Variants in OVOL2 observed in about 807,000 individuals in gnomAD.
The protein encoded by OVOL2 is transcription factor Ovo-like 2.
Under a neutral mutation model 18.1 loss-of-function variants are expected in OVOL2, and 13 were observed. The observed-to-expected ratio is 0.72, with a 90% CI of 0.47 to 1.14. The LOEUF (loss-of-function observed/expected upper bound fraction) is 1.14, where lower values mean the gene tolerates loss of function less well. Among genes scored for constraint, OVOL2 ranks in the 50% most tolerant of loss-of-function variants. The pLI, the probability that OVOL2 is intolerant of heterozygous loss-of-function variation, is 0.00. For synonymous variants in OVOL2, 166 were observed against 162.7 expected (o/e 1.02, Z -0.16); for missense variants, 335 against 383.0 (o/e 0.87, Z 1.05).
At position 18,057,855 on chromosome 20, in the gene OVOL2, G is replaced by A; in HGVS notation, c.-221C>T. The A allele has an allele frequency of 7.4e-7, 1 of 1,346,404 alleles. No individual in the cohort carries two copies. Among genetic ancestry groups the A allele is most frequent in the Non-Finnish European group, 9.5e-7 (1 of 1,056,120 alleles). 83.4% of individuals were successfully genotyped at this position (1,346,404 alleles called of 1,614,324 possible). A position where few individuals can be genotyped will look rare whatever the true frequency, so the allele number is the denominator to read the frequency against. ...CGGCGACACCTATGCCTTAAATCGC[G>A]AGTGAGACCACGCCGGGGAAAAAGT... On this transcript the variant is annotated 5_prime_UTR_variant, in exon 1 of 4. Coordinates refer to ENST00000278780, the MANE Select transcript of OVOL2 (RefSeq NM_021220.4). The surrounding 1 kb of genome is among the most constrained non-coding windows in gnomAD (Gnocchi z 6.3).
chr20:18,027,786 G>A (rs2036533516), intron 3 of OVOL2, among the ~76,000 whole-genome samples: 2 of 151,856 alleles, frequency 1.3e-5, no homozygotes, highest in Non-Finnish European at 1.5e-5. Flanking sequence ...TAGTAGAGAC[G>A]GGGTTTCACC....
intron 3 of OVOL2, among the ~76,000 whole-genome samples, chr20:18,033,257 C>A (rs575543172): frequency 1.2e-4 from 18 of 152,336 alleles, no homozygotes; most frequent in Middle Eastern, 6.8e-3. Flanking sequence ...GGACAGAAGG[C>A]GCCCTAGAGG....
chr20:18,034,484 G>A (rs80287071), intron 3 of OVOL2, among the ~76,000 whole-genome samples: 12,312 of 152,176 alleles, frequency 0.081, 604 homozygotes, highest in Middle Eastern at 0.14. Context: ...ATGGGAAGCC[G>A]CTTCCAAACC....
At chr20:18,054,154 A>G (rs1306273013) in intron 2 of OVOL2, among the ~76,000 whole-genome samples, 2 of 152,192 alleles carry the variant, frequency 1.3e-5, no homozygotes, top group African/African-American at 4.8e-5. Flanking sequence ...CCCTCCACTC[A>G]TTTATCCTCA....
chr20:18,039,607 C>CAAAAAAA (rs111619803), intron 3 of OVOL2, among the ~76,000 whole-genome samples: 46 of 86,570 alleles, frequency 5.3e-4, no homozygotes, highest in Admixed American at 7.5e-4. Flanking sequence ...GACGCTGTCT[C>CAAAAAAA]AAAAAAAAAA....
chr20:18,058,178 C>G (rs1472828242), upstream of OVOL2, among the ~76,000 whole-genome samples: 1 of 152,136 alleles, frequency 6.6e-6, no homozygotes, highest in African/African-American at 2.4e-5. Context: ...GGGCACCCCT[C>G]CGGTGAGTTG....
chr20:18,055,092 C>A (rs190595725), intron 2 of OVOL2, among the ~76,000 whole-genome samples: 3 of 152,140 alleles, frequency 2.0e-5, no homozygotes, highest in Admixed American at 6.5e-5. Flanking sequence ...CTCCCGCCCC[C>A]CTTCCCCCAG....
At chr20:18,055,301 A>G (rs1254137625) in intron 2 of OVOL2, among the ~76,000 whole-genome samples, 1 of 152,182 alleles carries the variant, frequency 6.6e-6, no homozygotes, top group African/African-American at 2.4e-5. Context: ...GAGGCTCCCA[A>G]AACAACGTTG....
intron 3 of OVOL2, among the ~76,000 whole-genome samples, chr20:18,025,318 A>G (rs1019131580): frequency 3.3e-5 from 5 of 152,226 alleles, no homozygotes; most frequent in Non-Finnish European, 7.3e-5. Flanking sequence ...CTGTAATCCC[A>G]GCACTTTGGG....
At chr20:18,034,184 G>A (rs1214230188) in intron 3 of OVOL2, among the ~76,000 whole-genome samples, 1 of 152,122 alleles carries the variant, frequency 6.6e-6, no homozygotes, top group Admixed American at 6.5e-5. Context: ...GCTTCTGGCT[G>A]TCCCCTTCTT....
intron 2 of OVOL2, among the ~76,000 whole-genome samples, chr20:18,047,331 G>C (rs995103920): frequency 6.6e-6 from 1 of 151,822 alleles, no homozygotes; most frequent in Non-Finnish European, 1.5e-5. Context: ...TGACCAATAT[G>C]ATGAAACCCC....
chr20:18,034,626 T>TTCTCTCTCTCTCTCTC lies in OVOL2; in HGVS notation c.511+6892_511+6907dup, dbSNP rs11466923. Among the ~76,000 whole-genome samples, 506 of 137,964 alleles carry TTCTCTCTCTCTCTCTC rather than the reference T, an allele frequency of 3.7e-3. 2 individuals are homozygous for TTCTCTCTCTCTCTCTC. The highest frequency in any genetic ancestry group is 0.014 in the African/African-American group (470 of 34,806). The allele number at this position is 137,964 out of a possible 152,430, so 90.5% of individuals were successfully genotyped here. A position where few individuals can be genotyped will look rare whatever the true frequency, so the allele number is the denominator to read the frequency against. On this transcript the variant is annotated intron_variant, in intron 3 of 3. Coordinates refer to ENST00000278780, the MANE Select transcript of OVOL2 (RefSeq NM_021220.4). ...TTTAACTAACACTCCCTTCCCCTCT[T>TTCTCTCTCTCTCTCTC]TCTCTCTCTCTCTCTCTCTCTCTCT...
At chr20:18,026,458 T>C (rs903885021) in intron 3 of OVOL2, among the ~76,000 whole-genome samples, 1 of 149,990 alleles carries the variant, frequency 6.7e-6, no homozygotes, top group African/African-American at 2.5e-5. Flanking sequence ...CTCAGCTCAC[T>C]GCAAGCTCCA....
intron 2 of OVOL2, among the ~76,000 whole-genome samples, chr20:18,052,191 G>C (rs896117338): frequency 3.9e-5 from 6 of 152,244 alleles, no homozygotes; most frequent in Admixed American, 2.0e-4. Flanking sequence ...CAGACTGTTG[G>C]GGACTCTACA....
At chr20:18,046,453 C>T (rs1270873202) in intron 2 of OVOL2, among the ~76,000 whole-genome samples, 2 of 152,176 alleles carry the variant, frequency 1.3e-5, no homozygotes, top group Admixed American at 6.5e-5. Context: ...CAGAAGACTC[C>T]AGCCTCAGCC....
At position 18,056,997 on chromosome 20, in the gene OVOL2, G is replaced by T; in HGVS notation, c.101-120C>A. ...GCCCCGGACCTGGGCACCTCGCCAAGTGGGCAACGTCGCGGGGGAGGCCAG... is the reference window on the plus strand; with the variant it reads ...GCCCCGGACCTGGGCACCTCGCCAATTGGGCAACGTCGCGGGGGAGGCCAG... On this transcript the variant is annotated intron_variant, in intron 1 of 3. Transcript: ENST00000278780. This position sits in a 1 kb window ranked among gnomAD's most constrained non-coding sequence, Gnocchi z 4.2. 8.5e-7 allele frequency: 1 copy of T among 1,180,936 alleles called. No individual in the cohort carries two copies. Among genetic ancestry groups the T allele is most frequent in the Non-Finnish European group, 1.1e-6 (1 of 901,670 alleles). 73.2% of individuals were successfully genotyped at this position (1,180,936 alleles called of 1,614,324 possible). A position where few individuals can be genotyped will look rare whatever the true frequency, so the allele number is the denominator to read the frequency against.
chr20:18,034,671 A>ACC (rs2036599978), intron 3 of OVOL2, among the ~76,000 whole-genome samples: 2 of 141,854 alleles, frequency 1.4e-5, no homozygotes, highest in Non-Finnish European at 3.0e-5. Context: ...ACACACACAC[A>ACC]CCCCTCCGAT....
At chr20:18,051,992 G>A (rs185027150) in intron 2 of OVOL2, among the ~76,000 whole-genome samples, 10 of 152,138 alleles carry the variant, frequency 6.6e-5, no homozygotes, top group Admixed American at 2.6e-4. Context: ...CGCCCGCCTC[G>A]GCCTCCCAAA....
At chr20:18,030,395 G>C (rs2036557322) in intron 3 of OVOL2, among the ~76,000 whole-genome samples, 1 of 152,188 alleles carries the variant, frequency 6.6e-6, no homozygotes, top group African/African-American at 2.4e-5. Context: ...CTAAAAATAT[G>C]GGGAAGCTGG....
Sources: gnomAD v4.1 joint callset for allele counts (sites outside exome capture counted in the v4.1 genomes callset) on GRCh38, gnomAD v4.1.1 for gene constraint, Gnocchi (gnomAD v3.1) non-coding constraint, MANE v1.5 for transcripts, NCBI Gene and HGNC (gene_info 2026-07-23, HGNC 2026-07-21) for gene names.